CNTNAP2: variants seen among roughly 807,000 people sequenced by gnomAD.
CNTNAP2 encodes the protein contactin associated protein 2, also known as contactin-associated protein-like 2.
In CNTNAP2, 98 loss-of-function variants were observed where a neutral mutation model predicts 155.2. That is an observed-to-expected ratio of 0.63 (90% CI 0.54 to 0.75). The LOEUF is 0.75. CNTNAP2 is among the 30% of genes least tolerant of loss of function. The probability of loss-of-function intolerance (pLI) is 0.00; values close to 1 mark genes in which losing one functional copy is unlikely to be tolerated. For synonymous variants in CNTNAP2, 651 were observed against 631.2 expected, an observed-to-expected ratio of 1.03 and a Z score of -0.47; for missense variants, 1,727 against 1,688.1, an observed-to-expected ratio of 1.02 and a Z score of -0.40.
chr7:147,712,772 A>G (rs1971428), intron 13 of CNTNAP2, among the ~76,000 whole-genome samples: 150,367 of 152,268 alleles, frequency 0.99, 74,254 homozygotes, highest in East Asian at 1. Context: ...GAGGGATAGC[A>G]TTAGGAGATA....
chr7:147,949,070 G>T (rs1369597209), intron 14 of CNTNAP2, among the ~76,000 whole-genome samples: 1 of 151,616 alleles, frequency 6.6e-6, no homozygotes, highest in Non-Finnish European at 1.5e-5. Flanking sequence ...GTGTGGTGGT[G>T]GATGCCTGTA....
At chr7:147,540,481 A>T (rs1377430776) in intron 11 of CNTNAP2, among the ~76,000 whole-genome samples, 1 of 152,208 alleles carries the variant, frequency 6.6e-6, no homozygotes, top group East Asian at 1.9e-4. Flanking sequence ...AGATATAAAG[A>T]GTAAGTTATA....
intron 21 of CNTNAP2, among the ~76,000 whole-genome samples, chr7:148,352,907 T>TC (rs1161535094): frequency 1.3e-5 from 2 of 152,204 alleles, no homozygotes; most frequent in Non-Finnish European, 2.9e-5. Flanking sequence ...TCTTTACCTT[T>TC]CCCCAAAGTC....
chr7:148,144,681 C>G (rs1805141949), intron 16 of CNTNAP2, among the ~76,000 whole-genome samples: 1 of 152,142 alleles, frequency 6.6e-6, no homozygotes, highest in African/African-American at 2.4e-5. Context: ...TTCCAATGAG[C>G]CAGGCTATAT....
intron 1 of CNTNAP2, among the ~76,000 whole-genome samples, chr7:146,231,113 G>C (rs1289452746): frequency 6.6e-6 from 1 of 152,042 alleles, no homozygotes; most frequent in East Asian, 1.9e-4. Context: ...TTCATTAATT[G>C]GCAGCTAGTG....
intron 1 of CNTNAP2, among the ~76,000 whole-genome samples, chr7:146,704,636 C>T (rs1190247545): frequency 6.6e-6 from 1 of 152,126 alleles, no homozygotes; most frequent in Non-Finnish European, 1.5e-5. Context: ...TTAGAAAATA[C>T]TCACTAGCCT....
At position 146,352,685 on chromosome 7, in the gene CNTNAP2, C is replaced by T. The variant is rs1334498587; in HGVS notation, c.97+235712C>T. Among the ~76,000 whole-genome samples, 3 of 97,462 alleles carry T rather than the reference C, an allele frequency of 3.1e-5. No homozygotes were observed. In the Admixed American group the frequency reaches 3.6e-4, roughly 12 times the overall value. 63.9% of individuals were successfully genotyped at this position (97,462 alleles called of 152,430 possible). A position where few individuals can be genotyped will look rare whatever the true frequency, so the allele number is the denominator to read the frequency against. ...TTGGGAGATTTATTATAAACAATGA[C>T]AACTGAGGTAAAAAAAAATGAAATA... On this transcript the variant is annotated intron_variant, in intron 1 of 23. Transcript: ENST00000361727.
chr7:147,244,817 A>G (rs1249727497), intron 8 of CNTNAP2, among the ~76,000 whole-genome samples: 1 of 152,242 alleles, frequency 6.6e-6, no homozygotes, highest in East Asian at 1.9e-4. Context: ...GTTTAAAAAT[A>G]TAATGCAAAG....
chr7:146,468,028 A>G (rs999285234), intron 1 of CNTNAP2, among the ~76,000 whole-genome samples: 22 of 152,348 alleles, frequency 1.4e-4, no homozygotes, highest in African/African-American at 4.3e-4. Context: ...ACAATCAGGT[A>G]AAAGAAAAAA....
At chr7:147,441,489 C>G (rs1297589456) in intron 10 of CNTNAP2, among the ~76,000 whole-genome samples, 4 of 152,032 alleles carry the variant, frequency 2.6e-5, no homozygotes, top group Non-Finnish European at 5.9e-5. Context: ...TTGGTGAGGT[C>G]ATCTTTTTCT....
At chr7:148,033,002 G>A (rs922317645) in intron 15 of CNTNAP2, among the ~76,000 whole-genome samples, 3 of 152,104 alleles carry the variant, frequency 2.0e-5, no homozygotes, top group African/African-American at 7.2e-5. Flanking sequence ...CAGAGTGACT[G>A]GGATGACTGG....
chr7:146,426,367 C>T lies in CNTNAP2; in HGVS notation c.97+309394C>T, dbSNP rs534978724. Among the ~76,000 whole-genome samples the T allele has an allele frequency of 1.0e-3, 138 of 137,836 alleles. No homozygotes were observed. The South Asian group carries it at 0.03, about 30-fold the overall frequency. The allele number at this position is 137,836 out of a possible 152,430, so 90.4% of individuals were successfully genotyped here. A position where few individuals can be genotyped will look rare whatever the true frequency, so the allele number is the denominator to read the frequency against. On this transcript the variant is annotated intron_variant, in intron 1 of 23. Coordinates refer to ENST00000361727, the MANE Select transcript of CNTNAP2 (RefSeq NM_014141.6). ...TGTCTTTCTGGGGTGTTTCTGTGTGCACGTATGAAAACAAAATGTATATAT... is the reference window on the plus strand; with the variant it reads ...TGTCTTTCTGGGGTGTTTCTGTGTGTACGTATGAAAACAAAATGTATATAT...
At chr7:147,443,039 A>T (rs1425302414) in intron 10 of CNTNAP2, among the ~76,000 whole-genome samples, 1 of 151,916 alleles carries the variant, frequency 6.6e-6, no homozygotes, top group African/African-American at 2.4e-5. Context: ...TGTGTGCCCC[A>T]CCCTCACCCC....
chr7:147,352,891 A>ATATTAG (rs1181261016), intron 9 of CNTNAP2, among the ~76,000 whole-genome samples: 2 of 151,896 alleles, frequency 1.3e-5, no homozygotes, highest in Non-Finnish European at 2.9e-5. Context: ...ATAGATGAAA[A>ATATTAG]TATTAGTTTA....
At chr7:148,047,934 T>G (rs1158731973) in intron 15 of CNTNAP2, among the ~76,000 whole-genome samples, 1 of 151,574 alleles carries the variant, frequency 6.6e-6, no homozygotes, top group African/African-American at 2.4e-5. Context: ...TACTTTTTTT[T>G]TTGTTTTGAG....
intron 1 of CNTNAP2, among the ~76,000 whole-genome samples, chr7:146,240,219 T>C (rs1237004587): frequency 6.6e-6 from 1 of 152,214 alleles, no homozygotes; most frequent in African/African-American, 2.4e-5. Flanking sequence ...CTAGGTTAAC[T>C]GGATAACAGT....
At chr7:148,097,810 C>T (rs138112700) in intron 15 of CNTNAP2, among the ~76,000 whole-genome samples, 44 of 152,214 alleles carry the variant, frequency 2.9e-4, no homozygotes, top group Admixed American at 2.2e-3. Context: ...CAGTGACGTT[C>T]GGTAAGCACC....
intron 13 of CNTNAP2, among the ~76,000 whole-genome samples, chr7:147,666,905 G>A (rs1329697339): frequency 6.6e-6 from 1 of 152,194 alleles, no homozygotes; most frequent in Non-Finnish European, 1.5e-5. Flanking sequence ...AAGCTGAAAA[G>A]ATCTTCTTCA....
chr7:148,242,455 C>T (rs1796175579), intron 20 of CNTNAP2, among the ~76,000 whole-genome samples: 1 of 152,136 alleles, frequency 6.6e-6, no homozygotes, highest in African/African-American at 2.4e-5. Flanking sequence ...TGTTAAAATG[C>T]CCTCTAGTGG....
Sources: allele counts gnomAD v4.1 joint callset (sites outside exome capture counted in the v4.1 genomes callset), GRCh38; gene constraint gnomAD v4.1.1; transcripts MANE v1.5; gene names NCBI Gene and HGNC (gene_info 2026-07-23, HGNC 2026-07-21).